WWOX: variants seen among roughly 807,000 people sequenced by gnomAD.
The protein encoded by WWOX is WW domain containing oxidoreductase.
A neutral mutation model predicts 46.2 loss-of-function variants in WWOX; 69 were observed. The observed-to-expected ratio is 1.49, with a 90% CI of 1.23 to 1.82. The LOEUF (loss-of-function observed/expected upper bound fraction) is 1.82. Among genes scored for constraint, WWOX ranks in the 40% most tolerant of loss-of-function variants. The probability of loss-of-function intolerance (pLI) is 0.00; values close to 1 mark genes in which losing one functional copy is unlikely to be tolerated. For missense variants in WWOX, 919 were observed against 542.6 expected, an observed-to-expected ratio of 1.69 and a Z score of -6.89; for synonymous variants, 359 against 202.6, an observed-to-expected ratio of 1.77 and a Z score of -6.56.
chr16:78,346,350 C>T (rs190814642), intron 5 of WWOX, among the ~76,000 whole-genome samples: 6 of 120,738 alleles, frequency 5.0e-5, no homozygotes, highest in East Asian at 1.9e-4. Context: ...ACGAAGCCAC[C>T]GTGAATATTG....
At chr16:78,352,539 C>A (rs1222581355) in intron 5 of WWOX, among the ~76,000 whole-genome samples, 1 of 152,162 alleles carries the variant, frequency 6.6e-6, no homozygotes, top group Non-Finnish European at 1.5e-5. Flanking sequence ...CTGCCCTGTT[C>A]CTGGTTCTCT....
chr16:78,460,566 G>A (rs916558573), intron 8 of WWOX, among the ~76,000 whole-genome samples: 23 of 152,166 alleles, frequency 1.5e-4, no homozygotes, highest in Non-Finnish European at 7.3e-5. Flanking sequence ...TTCCACAGAT[G>A]CCTGTTTGTT....
chr16:78,704,576 G>T (rs535289118), intron 8 of WWOX, among the ~76,000 whole-genome samples: 8 of 152,154 alleles, frequency 5.3e-5, no homozygotes, highest in Non-Finnish European at 1.0e-4. Flanking sequence ...CATAAAAGCC[G>T]TTTGAAATTT....
intron 8 of WWOX, among the ~76,000 whole-genome samples, chr16:78,564,912 T>C (rs1380770699): frequency 6.6e-6 from 1 of 152,216 alleles, no homozygotes; most frequent in African/African-American, 2.4e-5. Context: ...TATATGCAGT[T>C]TGTATTTATC....
chr16:78,961,577 T>C (rs12447067), intron 8 of WWOX, among the ~76,000 whole-genome samples: 47,006 of 151,728 alleles, frequency 0.31, 8,316 homozygotes, highest in African/African-American at 0.49. Context: ...GGTGCATGGA[T>C]GGGTGAGTAA....
intron 8 of WWOX, among the ~76,000 whole-genome samples, chr16:78,869,771 T>G (rs556253338): frequency 6.6e-6 from 1 of 152,328 alleles, no homozygotes; most frequent in African/African-American, 2.4e-5. Flanking sequence ...TGCTCGCAGA[T>G]AGCCTCTTAG....
intron 8 of WWOX, among the ~76,000 whole-genome samples, chr16:79,161,356 A>G (rs988309456): frequency 1.1e-4 from 17 of 151,980 alleles, no homozygotes; most frequent in Non-Finnish European, 1.5e-4. Flanking sequence ...CATCCCACCT[A>G]AGGTTGTTGT....
intron 8 of WWOX, among the ~76,000 whole-genome samples, chr16:78,507,379 G>A (rs1447981879): frequency 6.6e-6 from 1 of 152,124 alleles, no homozygotes; most frequent in Non-Finnish European, 1.5e-5. Flanking sequence ...AAGTCAAAAG[G>A]AAACAAACAA....
At chr16:78,670,549 C>A (rs990637397) in intron 8 of WWOX, among the ~76,000 whole-genome samples, 1 of 152,050 alleles carries the variant, frequency 6.6e-6, no homozygotes, top group Non-Finnish European at 1.5e-5. Flanking sequence ...CTTCAGAGTC[C>A]AGCCAGCCCC....
intron 5 of WWOX, among the ~76,000 whole-genome samples, chr16:78,204,706 G>A (rs1027700895): frequency 4.6e-5 from 7 of 152,114 alleles, no homozygotes; most frequent in Non-Finnish European, 8.8e-5. Context: ...CTGCACAATC[G>A]GAGAGGCAGG....
At chr16:78,924,184 G>C (rs1033474706) in intron 8 of WWOX, among the ~76,000 whole-genome samples, 1 of 152,234 alleles carries the variant, frequency 6.6e-6, no homozygotes, top group South Asian at 2.1e-4. Flanking sequence ...GGTAGACCGG[G>C]GAAGGTAGCT....
At chr16:78,748,798 G>A (rs2049409917) in intron 8 of WWOX, among the ~76,000 whole-genome samples, 1 of 152,214 alleles carries the variant, frequency 6.6e-6, no homozygotes, top group Non-Finnish European at 1.5e-5. Context: ...CTTGCCCTCT[G>A]ACACGGCAAA....
intron 6 of WWOX, among the ~76,000 whole-genome samples, chr16:78,406,345 TA>T (rs1567553463): frequency 8.8e-4 from 89 of 100,802 alleles, no homozygotes; most frequent in African/African-American, 5.0e-3. Context: ...TATATATATA[TA>T]TATATATATT....
chr16:78,231,686 A>G (rs36060834), intron 5 of WWOX, among the ~76,000 whole-genome samples: 18,047 of 152,188 alleles, frequency 0.12, 1,258 homozygotes, highest in Non-Finnish European at 0.15. Flanking sequence ...CATAATTATT[A>G]TCAATTGCCT....
rs558101281 is a variant in WWOX, at chr16:78,109,798, C to A, written c.193C>A (p.Gln65Lys). Residue 65 changes from glutamine (Q) to lysine (K), a missense_variant, in exon 3 of 9, where the codon CAA becomes AAA. Transcript: ENST00000566780. ...TTCAGATTTGCCATACGGATGGGAACAAGAAACTGATGAGAACGGACAAGT... is the reference window on the plus strand; with the variant it reads ...TTCAGATTTGCCATACGGATGGGAAAAAGAAACTGATGAGAACGGACAAGT... Reference protein sequence around the residue: ...VAGDLPYGWEQETDENGQVFF... With the variant: ...VAGDLPYGWEKETDENGQVFF... 7.4e-6 allele frequency: 12 copies of A among 1,614,088 alleles called. No individual in the cohort carries two copies. The African/African-American group carries it at 1.3e-4, about 18-fold the overall frequency.
At chr16:78,932,158 G>A (rs2045637088) in intron 8 of WWOX, among the ~76,000 whole-genome samples, 1 of 152,180 alleles carries the variant, frequency 6.6e-6, no homozygotes, top group African/African-American at 2.4e-5. Context: ...TTGAATTGCT[G>A]GTACGTCTGA....
chr16:79,125,910 G>C (rs891443442), intron 8 of WWOX, among the ~76,000 whole-genome samples: 1 of 152,206 alleles, frequency 6.6e-6, no homozygotes, highest in Admixed American at 6.5e-5. Flanking sequence ...TTTACTATCT[G>C]TCTTCTCCAG....
In WWOX at chr16:78,760,295, C is replaced by T. The variant is rs143752092; in HGVS notation, c.1056+327543C>T. On this transcript the variant is annotated intron_variant, in intron 8 of 8. Coordinates refer to ENST00000566780, the MANE Select transcript of WWOX (RefSeq NM_016373.4). Reference sequence around the variant, plus strand: ...GAAATCGATCCTGTGATTCAATTATCTCCCACCAGGGTCCCTCCCACAACA... The same window carrying T: ...GAAATCGATCCTGTGATTCAATTATTTCCCACCAGGGTCCCTCCCACAACA... Among the ~76,000 whole-genome samples, 248 of 152,302 alleles carry T rather than the reference C, an allele frequency of 1.6e-3. 1 individual carries two copies. Among genetic ancestry groups the T allele is most frequent in the Middle Eastern group, 0.01 (3 of 294 alleles).
intron 8 of WWOX, among the ~76,000 whole-genome samples, chr16:78,982,111 G>A (rs987042284): frequency 1.3e-5 from 2 of 152,138 alleles, no homozygotes; most frequent in East Asian, 1.9e-4. Flanking sequence ...AAACTCCGTG[G>A]GGTTTGTATT....
Sources: allele counts gnomAD v4.1 joint callset (sites outside exome capture counted in the v4.1 genomes callset), GRCh38; gene constraint gnomAD v4.1.1; transcripts MANE v1.5; gene names NCBI Gene and HGNC (gene_info 2026-07-23, HGNC 2026-07-21).